HDAC9: variants seen among roughly 807,000 people sequenced by gnomAD.
The protein encoded by HDAC9 is MEF-2 interacting transcription repressor (MITR) protein.
A neutral mutation model predicts 139.4 loss-of-function variants in HDAC9; 41 were observed. The observed-to-expected ratio is 0.29, with a 90% CI of 0.23 to 0.38. HDAC9 has a LOEUF of 0.38. Ranked by LOEUF, HDAC9 falls within the 10% of genes least tolerant of loss-of-function variation. The probability of loss-of-function intolerance (pLI) is 1.00; values close to 1 mark genes in which losing one functional copy is unlikely to be tolerated. For synonymous variants in HDAC9, 517 were observed against 476.2 expected (o/e 1.09, Z -1.12); for missense variants, 1,147 against 1,297.0 (o/e 0.88, Z 1.78).
intron 1 of HDAC9, among the ~76,000 whole-genome samples, chr7:18,126,078 T>G (rs1784647008): frequency 6.6e-6 from 1 of 152,146 alleles, no homozygotes; most frequent in South Asian, 2.1e-4. Flanking sequence ...ATTTATATAG[T>G]CAACTACTCT....
At chr7:18,124,326 C>G (rs1784531005) in intron 1 of HDAC9, among the ~76,000 whole-genome samples, 1 of 152,164 alleles carries the variant, frequency 6.6e-6, no homozygotes, top group Non-Finnish European at 1.5e-5. Flanking sequence ...AAAATTTTAG[C>G]TTTCCAAGTG....
At chr7:18,760,098 G>A (rs1271131283) in intron 14 of HDAC9, among the ~76,000 whole-genome samples, 1 of 152,082 alleles carries the variant, frequency 6.6e-6, no homozygotes, top group Non-Finnish European at 1.5e-5. Flanking sequence ...CATATACGAT[G>A]TTAGTGGCTA....
intron 1 of HDAC9, among the ~76,000 whole-genome samples, chr7:18,345,074 T>TTTAC (rs1298297272): frequency 6.6e-6 from 1 of 151,958 alleles, no homozygotes; most frequent in Non-Finnish European, 1.5e-5. Flanking sequence ...CCTTCACTTA[T>TTTAC]GTAATGAGTG....
rs143805498 is a variant in HDAC9 at position 18,179,033 on chromosome 7, G to C, written c.25+16684G>C. Among the ~76,000 whole-genome samples, 373 of 152,296 alleles carry C rather than the reference G, an allele frequency of 2.4e-3. 2 individuals are homozygous for C. The highest frequency in any genetic ancestry group is 0.014 in the Middle Eastern group (4 of 294). The stretch of plus-strand genomic sequence containing the variant: ...CAGTGTTGTGGTATGGCATTTAATG[G>C]AGAACAAGATCTCTTACTTTGGAAT... On this transcript the variant is annotated intron_variant, in intron 2 of 12. Coordinates refer to the HDAC9 transcript ENST00000417496.
chr7:18,405,526 C>T (rs1247791911), intron 1 of HDAC9, among the ~76,000 whole-genome samples: 1 of 152,078 alleles, frequency 6.6e-6, no homozygotes, highest in Non-Finnish European at 1.5e-5. Context: ...GGTTCCTTTC[C>T]TCCTGGTATT....
intron 1 of HDAC9, among the ~76,000 whole-genome samples, chr7:18,088,228 G>A (rs374704516): frequency 1.3e-5 from 2 of 152,136 alleles, no homozygotes; most frequent in Admixed American, 6.6e-5. Context: ...TGTAAAATAT[G>A]GGAAAGGGGT....
intron 2 of HDAC9, among the ~76,000 whole-genome samples, chr7:18,581,741 A>C (rs1363604710): frequency 2.0e-5 from 3 of 152,192 alleles, no homozygotes; most frequent in African/African-American, 7.2e-5. Context: ...CTTTTAGTTA[A>C]TATTCAAAAT....
chr7:18,208,504 T>C (rs1277568909), intron 2 of HDAC9, among the ~76,000 whole-genome samples: 6 of 151,768 alleles, frequency 4.0e-5, no homozygotes, highest in East Asian at 1.9e-4. Flanking sequence ...GGCTCCTTAG[T>C]AGCTAGGACT....
chr7:18,992,664 A>T (rs1786080485), intron 25 of HDAC9, among the ~76,000 whole-genome samples: 1 of 152,148 alleles, frequency 6.6e-6, no homozygotes, highest in South Asian at 2.1e-4. Flanking sequence ...GAATACAAGA[A>T]TTTAATTTAA....
At chr7:18,667,648 A>G in intron 12 of HDAC9, 1 of 985,280 alleles carries the variant, frequency 1.0e-6, no homozygotes, top group Non-Finnish European at 1.2e-6. Flanking sequence ...TGAACAGGAA[A>G]TGCCTTGTGG....
At chr7:18,098,016 C>A (rs1309193013) in intron 1 of HDAC9, among the ~76,000 whole-genome samples, 1 of 152,150 alleles carries the variant, frequency 6.6e-6, no homozygotes, top group East Asian at 1.9e-4. Flanking sequence ...TATTCTTTTT[C>A]TCCAATTGTT....
chr7:18,617,296 C>T (rs1044527191), intron 6 of HDAC9, among the ~76,000 whole-genome samples: 2 of 152,120 alleles, frequency 1.3e-5, no homozygotes, highest in South Asian at 4.1e-4. Flanking sequence ...GCTAAAGCTC[C>T]TCCATCGCAA....
At chr7:18,778,266 A>G (rs1790947065) in intron 16 of HDAC9, among the ~76,000 whole-genome samples, 1 of 151,946 alleles carries the variant, frequency 6.6e-6, no homozygotes, top group South Asian at 2.1e-4. Context: ...TATTAAATCC[A>G]TGCACTCAAA....
At chr7:18,891,886 G>A (rs944014880) in intron 22 of HDAC9, among the ~76,000 whole-genome samples, 9 of 152,018 alleles carry the variant, frequency 5.9e-5, no homozygotes, top group African/African-American at 1.9e-4. Context: ...TTCCCTCTGG[G>A]GGTGATCTAT....
intron 20 of HDAC9, 68 bp downstream of exon 20, chr7:18,835,654 C>A (rs376058119): frequency 6.3e-7 from 1 of 1,585,996 alleles, no homozygotes; most frequent in Non-Finnish European, 8.7e-7. Context: ...GCATGATTAC[C>A]CCTAATTTTC....
chr7:18,546,969 A>G (rs2128640104), intron 2 of HDAC9, among the ~76,000 whole-genome samples: 1 of 152,386 alleles, frequency 6.6e-6, no homozygotes, highest in Non-Finnish European at 1.5e-5. Context: ...AGCAGCTAAA[A>G]TGCAGTCTGC....
intron 1 of HDAC9, among the ~76,000 whole-genome samples, chr7:18,126,974 C>T (rs543208344): frequency 5.3e-5 from 8 of 152,196 alleles, no homozygotes; most frequent in Admixed American, 1.3e-4. Context: ...AGTACGTGAA[C>T]GAAAGAGGAT....
rs1797831802 is a variant in HDAC9, at chr7:18,858,152, CAGTG to C, written c.2685-16323_2685-16320del. The stretch of plus-strand genomic sequence containing the variant: ...TCCCTTTTCAAAAAATGAAAATAAT[CAGTG>C]AGAAAGCTAGCTATCTGTGCATATG... On this transcript the variant is annotated intron_variant, in intron 21 of 25. Coordinates refer to ENST00000686413, the MANE Select transcript of HDAC9 (RefSeq NM_178425.4). Among the ~76,000 whole-genome samples, 3 of 152,166 alleles carry C rather than the reference CAGTG, an allele frequency of 2.0e-5. No homozygotes were observed. The South Asian group carries it at 6.2e-4, about 32-fold the overall frequency.
chr7:18,620,184 A>G (rs1839832207), intron 6 of HDAC9, among the ~76,000 whole-genome samples: 1 of 152,192 alleles, frequency 6.6e-6, no homozygotes, highest in African/African-American at 2.4e-5. Flanking sequence ...ATGGCTACAC[A>G]TGCTTCCAGT....
Sources: gnomAD v4.1 joint callset for allele counts (sites outside exome capture counted in the v4.1 genomes callset) on GRCh38, gnomAD v4.1.1 for gene constraint, MANE v1.5 for transcripts, NCBI Gene and HGNC (gene_info 2026-07-23, HGNC 2026-07-21) for gene names.